The following DGKI variants were observed in gnomAD, a reference collection of about 807,000 sequenced individuals.
DGKI encodes the protein diacylglycerol kinase iota, also known as DAG kinase iota.
Under a neutral mutation model 147.5 loss-of-function variants are expected in DGKI, and 55 were observed. That is an observed-to-expected ratio of 0.37 (90% CI 0.30 to 0.47). DGKI has a LOEUF of 0.47. DGKI is among the 20% of genes least tolerant of loss of function. The pLI, the probability that DGKI is intolerant of heterozygous loss-of-function variation, is 1.00. For missense variants in DGKI, 1,007 were observed against 1,323.8 expected (o/e 0.76, Z 3.71); for synonymous variants, 469 against 477.1 (o/e 0.98, Z 0.22).
At chr7:137,487,713 A>G (rs756653774) in intron 21 of DGKI, 24 bp from the exon 22 acceptor site, 2 of 1,598,692 alleles carry the variant, frequency 1.3e-6, no homozygotes, top group Non-Finnish European at 1.7e-6. Context: ...AAGAAGAAAA[A>G]TCTAAAATAA....
intron 8 of DGKI, among the ~76,000 whole-genome samples, chr7:137,614,286 C>T (rs979644814): frequency 2.0e-5 from 3 of 152,012 alleles, no homozygotes; most frequent in African/African-American, 7.2e-5. Context: ...GGACCAAGTA[C>T]AAAATATTTT....
chr7:137,430,390 T>C (rs1238640119), intron 28 of DGKI, among the ~76,000 whole-genome samples: 1 of 123,522 alleles, frequency 8.1e-6, no homozygotes, highest in Admixed American at 9.8e-5. Context: ...AACATCACAC[T>C]CTGGGGACTA....
chr7:137,601,164 G>C (rs748823531), intron 10 of DGKI, among the ~76,000 whole-genome samples: 3 of 151,956 alleles, frequency 2.0e-5, no homozygotes, highest in Non-Finnish European at 4.4e-5. Flanking sequence ...CCAGCTACTC[G>C]GGAGGCTGAG....
intron 17 of DGKI, among the ~76,000 whole-genome samples, chr7:137,573,481 T>A (rs1818861464): frequency 6.6e-6 from 1 of 152,218 alleles, no homozygotes; most frequent in Non-Finnish European, 1.5e-5. Flanking sequence ...CTCAGCTCAC[T>A]GCAACCTCAG....
chr7:137,640,318 T>A (rs1821579814), intron 6 of DGKI, among the ~76,000 whole-genome samples: 1 of 152,142 alleles, frequency 6.6e-6, no homozygotes, highest in Non-Finnish European at 1.5e-5. Flanking sequence ...GAACAGTGGT[T>A]GTCCTTGTCC....
At chr7:137,520,138 A>T (rs779684920) in intron 21 of DGKI, among the ~76,000 whole-genome samples, 1 of 152,150 alleles carries the variant, frequency 6.6e-6, no homozygotes, top group Non-Finnish European at 1.5e-5. Flanking sequence ...CACAGAAAAG[A>T]TAAAACAGAT....
chr7:137,669,140 A>G (rs915161594), intron 3 of DGKI, among the ~76,000 whole-genome samples: 1 of 152,184 alleles, frequency 6.6e-6, no homozygotes, highest in African/African-American at 2.4e-5. Flanking sequence ...TCCAAAGCTC[A>G]CACGCTTCAT....
At position 137,381,322 on chromosome 7, in the gene DGKI, G is replaced by A. The variant is rs975368229; in HGVS notation, c.*9898C>T. Reference sequence around the variant, plus strand: ...CCCCCACCCACCCTCCCTCCACTTCGTATTATCTGAATCCTCCTTTACCTG... The same window carrying A: ...CCCCCACCCACCCTCCCTCCACTTCATATTATCTGAATCCTCCTTTACCTG... On this transcript the variant is annotated 3_prime_UTR_variant, in exon 33 of 33. Transcript: ENST00000614521. The A allele has an allele frequency of 3.2e-5, 1 of 31,742 alleles. No homozygotes were observed. 2.0% of individuals were successfully genotyped at this position (31,742 alleles called of 1,614,324 possible). A position where few individuals can be genotyped will look rare whatever the true frequency, so the allele number is the denominator to read the frequency against.
intron 1 of DGKI, among the ~76,000 whole-genome samples, chr7:137,824,710 C>T (rs947029058): frequency 3.9e-5 from 6 of 152,204 alleles, no homozygotes; most frequent in Non-Finnish European, 4.4e-5. Flanking sequence ...CCCTCCTCCC[C>T]GCCTCCACCC....
chr7:137,611,008 C>T (rs1820345041), intron 8 of DGKI, among the ~76,000 whole-genome samples: 1 of 152,174 alleles, frequency 6.6e-6, no homozygotes, highest in Non-Finnish European at 1.5e-5. Context: ...GACCCCAGGT[C>T]ATTCCTCATC....
chr7:137,395,637 C>T lies in DGKI; in HGVS notation c.3018G>A (p.Leu1006=), dbSNP rs186420849. 1,178 of 1,614,154 alleles carry T rather than the reference C, an allele frequency of 7.3e-4. 1 individual carries two copies. The highest frequency in any genetic ancestry group is 8.4e-4 in the Non-Finnish European group (992 of 1,179,984). Residue 1006 remains leucine (L), a synonymous_variant, in exon 32 of 33, where the codon CTG becomes CTA. Transcript: ENST00000614521. ...TTCTCAGAGATGCTCCTGCATCCAC[C>T]AGAAGCTGGCACACAGCCCGGTTCC... ...CQRNRAVCQL[L]VDAGASLRKT...
At chr7:137,598,941 G>A (rs966056535) in intron 11 of DGKI, among the ~76,000 whole-genome samples, 3 of 151,994 alleles carry the variant, frequency 2.0e-5, no homozygotes, top group East Asian at 1.9e-4. Context: ...AAATTCATAC[G>A]TTAAGAAAAT....
intron 3 of DGKI, among the ~76,000 whole-genome samples, chr7:137,676,519 G>GA (rs1823044120): frequency 6.6e-6 from 1 of 152,116 alleles, no homozygotes; most frequent in Admixed American, 6.5e-5. Flanking sequence ...TGAGCTTCAA[G>GA]AAACTTACAG....
intron 29 of DGKI, among the ~76,000 whole-genome samples, chr7:137,409,792 C>T (rs548808789): frequency 6.6e-6 from 1 of 152,282 alleles, no homozygotes; most frequent in East Asian, 1.9e-4. Context: ...ACACTTTCTG[C>T]AGCCCAGTTG....
chr7:137,639,698 C>T (rs1821553023), intron 6 of DGKI, among the ~76,000 whole-genome samples: 1 of 152,074 alleles, frequency 6.6e-6, no homozygotes, highest in African/African-American at 2.4e-5. Context: ...CCAGGGTGAC[C>T]AGGGCACTGT....
At chr7:137,441,345 C>G (rs563478223) in intron 28 of DGKI, among the ~76,000 whole-genome samples, 1 of 143,186 alleles carries the variant, frequency 7.0e-6, no homozygotes, top group South Asian at 2.3e-4. Context: ...GGTGTGAACC[C>G]GGGAAGCAGA....
chr7:137,465,632 C>G (rs949027851), intron 26 of DGKI, among the ~76,000 whole-genome samples: 3 of 152,160 alleles, frequency 2.0e-5, no homozygotes, highest in African/African-American at 4.8e-5. Flanking sequence ...TTACTACAAA[C>G]GTACAAGCAC....
intron 16 of DGKI, 78 bp downstream of exon 16, chr7:137,578,192 G>A: frequency 1.0e-6 from 1 of 963,384 alleles, no homozygotes; most frequent in Non-Finnish European, 1.7e-6. Flanking sequence ...TATTTCTCAT[G>A]TAGTTTGCAA....
chr7:137,418,985 G>T (rs1812460723), intron 28 of DGKI, among the ~76,000 whole-genome samples: 1 of 152,142 alleles, frequency 6.6e-6, no homozygotes, highest in Non-Finnish European at 1.5e-5. Context: ...TTTCATAGAT[G>T]AGGAAAGTAG....
Sources: allele counts gnomAD v4.1 joint callset (sites outside exome capture counted in the v4.1 genomes callset), GRCh38; gene constraint gnomAD v4.1.1; transcripts MANE v1.5; gene names NCBI Gene and HGNC (gene_info 2026-07-23, HGNC 2026-07-21).